TMEM207: variants seen among roughly 807,000 people sequenced by gnomAD.
The protein encoded by TMEM207 is transmembrane protein 207, also known as SRSR846.
Under a neutral mutation model 17.4 loss-of-function variants are expected in TMEM207, and 15 were observed. That is an observed-to-expected ratio of 0.86 (90% confidence interval 0.58 to 1.33). TMEM207 has a LOEUF of 1.33. Ranked by LOEUF, TMEM207 falls within the 40% of genes most tolerant of loss-of-function variation. TMEM207 has a pLI of 0.00. For synonymous variants in TMEM207, 70 were observed against 65.6 expected, an observed-to-expected ratio of 1.07 and a Z score of -0.33; for missense variants, 205 against 173.8, an observed-to-expected ratio of 1.18 and a Z score of -1.01.
chr3:190,449,664 A>G, intron 1 of TMEM207, 71 bp downstream of exon 1: 5 of 1,391,428 alleles, frequency 3.6e-6, no homozygotes, highest in South Asian at 1.2e-5. Flanking sequence ...ATATAAATCT[A>G]TAGCAAATCA....
intron 2 of TMEM207, among the ~76,000 whole-genome samples, chr3:190,445,717 G>C (rs183114467): frequency 6.6e-6 from 1 of 152,014 alleles, no homozygotes. Flanking sequence ...GTAGAGATGG[G>C]GTTTCACCAT....
At chr3:190,432,599 C>T (rs1357815311) in intron 4 of TMEM207, among the ~76,000 whole-genome samples, 2 of 152,080 alleles carry the variant, frequency 1.3e-5, no homozygotes, top group Non-Finnish European at 2.9e-5. Context: ...ACACTTAGAA[C>T]ATGAAACATA....
In TMEM207 at chr3:190,430,379, T is replaced by C. The variant is rs572556530; in HGVS notation, c.305-648A>G. Among the ~76,000 whole-genome samples the C allele has an allele frequency of 5.9e-5, 9 of 152,124 alleles. No homozygotes were observed. In the South Asian group the frequency reaches 1.9e-3, roughly 31 times the overall value. On this transcript the variant is annotated intron_variant, in intron 4 of 4. Coordinates refer to ENST00000354905, the MANE Select transcript of TMEM207 (RefSeq NM_207316.3). Reference sequence around the variant, plus strand: ...ACTAACTGGTAACCTTGAAAGACTATGCACTTACTCTAATGGCTCTTTTGG... The same window carrying C: ...ACTAACTGGTAACCTTGAAAGACTACGCACTTACTCTAATGGCTCTTTTGG...
At chr3:190,437,663 G>C (rs1215975848) in intron 4 of TMEM207, among the ~76,000 whole-genome samples, 4 of 152,034 alleles carry the variant, frequency 2.6e-5, no homozygotes, top group Non-Finnish European at 4.4e-5. Flanking sequence ...CTGTAAACTA[G>C]TTCAACCATT....
intron 4 of TMEM207, among the ~76,000 whole-genome samples, chr3:190,434,962 A>G (rs1054638454): frequency 3.3e-5 from 5 of 152,246 alleles, no homozygotes; most frequent in African/African-American, 4.8e-5. Flanking sequence ...TTTAAATTTT[A>G]GTCCTTAAAA....
At chr3:190,439,248 C>A (rs1372878532) in intron 4 of TMEM207, among the ~76,000 whole-genome samples, 1 of 148,866 alleles carries the variant, frequency 6.7e-6, no homozygotes, top group African/African-American at 2.5e-5. Flanking sequence ...AAGTAATAAC[C>A]TTTGAAGGAA....
intron 4 of TMEM207, among the ~76,000 whole-genome samples, chr3:190,437,925 A>T (rs1321686060): frequency 6.6e-6 from 1 of 151,894 alleles, no homozygotes; most frequent in African/African-American, 2.4e-5. Context: ...GCCATAAAAA[A>T]TGATGAGTTC....
At chr3:190,439,923 G>A (rs1206417003) in intron 4 of TMEM207, among the ~76,000 whole-genome samples, 1 of 152,172 alleles carries the variant, frequency 6.6e-6, no homozygotes, top group African/African-American at 2.4e-5. Flanking sequence ...GAGATGCTTT[G>A]CAGTACCCTA....
At chr3:190,440,987 G>T (rs957844552) in intron 3 of TMEM207, among the ~76,000 whole-genome samples, 1 of 152,098 alleles carries the variant, frequency 6.6e-6, no homozygotes, top group African/African-American at 2.4e-5. Flanking sequence ...GAGAATGGCG[G>T]GAACCCGGGA....
intron 4 of TMEM207, 151 bp from the exon 5 acceptor site, chr3:190,429,882 C>G: frequency 2.0e-6 from 2 of 992,556 alleles, no homozygotes; most frequent in East Asian, 5.7e-5. Flanking sequence ...CTATCTTGCT[C>G]TTTGCAGTGA....
intron 4 of TMEM207, among the ~76,000 whole-genome samples, chr3:190,438,616 G>A (rs1244109158): frequency 6.6e-6 from 1 of 152,174 alleles, no homozygotes; most frequent in South Asian, 2.1e-4. Flanking sequence ...GATAGTCGAG[G>A]AAAAGGTCTT....
chr3:190,446,801 G>A (rs1016944576), intron 2 of TMEM207, among the ~76,000 whole-genome samples: 3 of 152,148 alleles, frequency 2.0e-5, no homozygotes, highest in African/African-American at 7.2e-5. Flanking sequence ...TCTTTATTTT[G>A]TTAGTCTGGG....
intron 2 of TMEM207, chr3:190,444,587 T>C (rs1387979489): frequency 3.4e-6 from 1 of 295,004 alleles, no homozygotes; most frequent in South Asian, 1.3e-4. Flanking sequence ...GTAAACCGAA[T>C]ATAGTAAATA....
chr3:190,434,440 CATCT>C (rs1390915455), intron 4 of TMEM207, among the ~76,000 whole-genome samples: 3 of 152,196 alleles, frequency 2.0e-5, no homozygotes, highest in African/African-American at 4.8e-5. Flanking sequence ...TGCTGCCATC[CATCT>C]AAGATGTGAC....
At chr3:190,442,746 T>G (rs930286015) in intron 2 of TMEM207, among the ~76,000 whole-genome samples, 9 of 152,030 alleles carry the variant, frequency 5.9e-5, no homozygotes, top group Admixed American at 2.0e-4. Context: ...GAATAAAAGA[T>G]GTGAAAAATA....
intron 4 of TMEM207, among the ~76,000 whole-genome samples, chr3:190,430,046 T>TA (rs1719658614): frequency 6.6e-6 from 1 of 152,134 alleles, no homozygotes; most frequent in Admixed American, 6.6e-5. Flanking sequence ...TCCTCAACAC[T>TA]AATGGCATTT....
intron 2 of TMEM207, among the ~76,000 whole-genome samples, chr3:190,444,945 C>T (rs1335340512): frequency 6.6e-6 from 1 of 152,136 alleles, no homozygotes; most frequent in Non-Finnish European, 1.5e-5. Context: ...AGTCACAAAT[C>T]ATATTACCCA....
At chr3:190,449,615 A>G (rs1720117711) in intron 1 of TMEM207, 120 bp downstream of exon 1, 2 of 866,426 alleles carry the variant, frequency 2.3e-6, no homozygotes, top group Non-Finnish European at 1.8e-6. Context: ...TAAAGCTTGA[A>G]GGAAATCTTT....
chr3:190,437,561 C>G (rs896158335), intron 4 of TMEM207, among the ~76,000 whole-genome samples: 2 of 152,112 alleles, frequency 1.3e-5, no homozygotes, highest in African/African-American at 2.4e-5. Flanking sequence ...CCATCTCACA[C>G]CAGTTAGAAT....
Sources: allele counts gnomAD v4.1 joint callset (sites outside exome capture counted in the v4.1 genomes callset), GRCh38; gene constraint gnomAD v4.1.1; transcripts MANE v1.5; gene names NCBI Gene and HGNC (gene_info 2026-07-23, HGNC 2026-07-21).